Variants in TLL1 observed in about 807,000 individuals in gnomAD.
TLL1 encodes the protein tolloid like 1, also known as tolloid-like protein 1.
Under a neutral mutation model 128.2 loss-of-function variants are expected in TLL1, and 49 were observed. The observed-to-expected ratio is 0.38, with a 90% CI of 0.30 to 0.48. The LOEUF (loss-of-function observed/expected upper bound fraction) is 0.48. Ranked by LOEUF, TLL1 falls within the 20% of genes least tolerant of loss-of-function variation. TLL1 has a pLI of 0.96. For missense variants in TLL1, 1,123 were observed against 1,242.0 expected (o/e 0.90, Z 1.44); for synonymous variants, 454 against 418.8 (o/e 1.08, Z -1.03).
In TLL1 at chr4:166,100,798, T is replaced by A. The variant is rs578172463; in HGVS notation, c.2964T>A (p.Asp988Glu). ...GDSVLIHFHT[D>E]DTINKKGFHI... The stretch of plus-strand genomic sequence containing the variant: ...CAGTTTTAATTCATTTCCACACTGA[T>A]GACACAATCAACAAGAAGGGATTTC... The change falls in exon 21 of 21, where the codon GAT becomes GAA. Residue 988 changes from aspartate (D) to glutamate (E), a missense_variant. By Grantham distance (45) the Asp-to-Glu change is conservative. This residue lies in a region of TLL1 where 634 missense variants were observed against 672.4 expected (regional missense o/e 0.94). Coordinates refer to ENST00000061240, the MANE Select transcript of TLL1 (RefSeq NM_012464.5). The A allele has an allele frequency of 1.2e-6, 2 of 1,613,140 alleles. No individual in the cohort carries two copies. The highest frequency in any genetic ancestry group is 1.7e-6 in the Non-Finnish European group (2 of 1,179,404).
chr4:165,961,570 T>C (rs1735106282), intron 1 of TLL1, among the ~76,000 whole-genome samples: 1 of 152,170 alleles, frequency 6.6e-6, no homozygotes, highest in Non-Finnish European at 1.5e-5. Context: ...CTTTGAACTA[T>C]ACTGCAAGGC....
chr4:165,873,958 G>A lies in TLL1; in HGVS notation c.54G>A (p.Gly18=). 6.2e-7 allele frequency: 1 copy of A among 1,614,156 alleles called. No individual in the cohort carries two copies. The highest frequency in any genetic ancestry group is 1.3e-5 in the African/African-American group (1 of 75,050). ...TGCTCGTGTGGCTGGTGGCCTCGGG[G>A]ATTGTTTTCTACGGGGAGCTATGGG... is the stretch of plus-strand genomic sequence containing the variant. ...PRMLVWLVAS[G]IVFYGELWVC... Residue 18 remains glycine, a synonymous_variant, in exon 1 of 21, where the codon GGG becomes GGA. Transcript: ENST00000061240.
intron 1 of TLL1, among the ~76,000 whole-genome samples, chr4:165,920,228 A>T (rs1732984814): frequency 6.6e-6 from 1 of 152,208 alleles, no homozygotes. Flanking sequence ...ATTAAGAGAA[A>T]ACTTAGAAAG....
chr4:165,912,036 C>T (rs951152872), intron 1 of TLL1, among the ~76,000 whole-genome samples: 4 of 152,014 alleles, frequency 2.6e-5, no homozygotes, highest in Non-Finnish European at 4.4e-5. Context: ...CCACCATGCC[C>T]GGCTAATTTT....
intron 12 of TLL1, among the ~76,000 whole-genome samples, chr4:166,051,237 C>A (rs974805086): frequency 6.6e-6 from 1 of 151,870 alleles, no homozygotes; most frequent in African/African-American, 2.4e-5. Context: ...TTTCTCTTTT[C>A]TTTTTTCTCT....
chr4:165,929,895 G>C (rs952722718), intron 1 of TLL1, among the ~76,000 whole-genome samples: 4 of 152,144 alleles, frequency 2.6e-5, no homozygotes, highest in African/African-American at 9.7e-5. Context: ...TTCCACTCTT[G>C]ATATCAGCTC....
intron 18 of TLL1, among the ~76,000 whole-genome samples, chr4:166,079,536 T>G (rs1322664854): frequency 1.3e-5 from 2 of 152,088 alleles, no homozygotes; most frequent in Non-Finnish European, 2.9e-5. Context: ...TCGTAATTCT[T>G]TTTCCTATGG....
At chr4:165,975,289 A>G (rs1735822526) in intron 1 of TLL1, among the ~76,000 whole-genome samples, 1 of 151,952 alleles carries the variant, frequency 6.6e-6, no homozygotes, top group Non-Finnish European at 1.5e-5. Flanking sequence ...TCCTCTAAAA[A>G]ACACCATGGA....
intron 1 of TLL1, among the ~76,000 whole-genome samples, chr4:165,944,660 T>C (rs1734161659): frequency 6.6e-6 from 1 of 152,048 alleles, no homozygotes; most frequent in Non-Finnish European, 1.5e-5. Context: ...TGGGCAAGAA[T>C]GAAACCAGGA....
At chr4:166,098,204 G>A (rs1222858914) in intron 19 of TLL1, among the ~76,000 whole-genome samples, 1 of 151,862 alleles carries the variant, frequency 6.6e-6, no homozygotes, top group Non-Finnish European at 1.5e-5. Flanking sequence ...ATGTGGTAGT[G>A]AGCGCCTGTA....
chr4:166,055,330 T>C, intron 13 of TLL1, 59 bp downstream of exon 13: 2 of 1,476,508 alleles, frequency 1.4e-6, no homozygotes, highest in African/African-American at 2.8e-5. Context: ...TTGTAGTGTT[T>C]AGCTTTGATT....
intron 7 of TLL1, among the ~76,000 whole-genome samples, chr4:166,009,824 G>GA (rs917945575): frequency 6.6e-6 from 1 of 150,376 alleles, no homozygotes; most frequent in Non-Finnish European, 1.5e-5. Context: ...TTTCAATTAT[G>GA]GAAAAACACA....
At chr4:165,986,675 A>G (rs936544556) in intron 1 of TLL1, among the ~76,000 whole-genome samples, 1 of 152,048 alleles carries the variant, frequency 6.6e-6, no homozygotes, top group Admixed American at 6.6e-5. Flanking sequence ...TCCTTTAAGT[A>G]TCATCTAGCC....
At chr4:165,965,551 G>A (rs1192021491) in intron 1 of TLL1, among the ~76,000 whole-genome samples, 1 of 152,168 alleles carries the variant, frequency 6.6e-6, no homozygotes, top group African/African-American at 2.4e-5. Context: ...AGCATATTGA[G>A]TCTGAGAACT....
chr4:165,918,228 T>A (rs989729101), intron 1 of TLL1, among the ~76,000 whole-genome samples: 1 of 152,166 alleles, frequency 6.6e-6, no homozygotes, highest in Non-Finnish European at 1.5e-5. Context: ...ATCCTTTTTT[T>A]AAAATAATGT....
intron 1 of TLL1, among the ~76,000 whole-genome samples, chr4:165,900,547 A>C (rs1390847467): frequency 1.3e-5 from 2 of 152,198 alleles, no homozygotes; most frequent in African/African-American, 4.8e-5. Flanking sequence ...TTCTTTAAGA[A>C]TGTTGAATAT....
chr4:166,066,297 T>C (rs1297593973), intron 16 of TLL1, among the ~76,000 whole-genome samples: 1 of 151,674 alleles, frequency 6.6e-6, no homozygotes, highest in Non-Finnish European at 1.5e-5. Context: ...CTAAATATAA[T>C]ATATTGTCAG....
intron 1 of TLL1, among the ~76,000 whole-genome samples, chr4:165,878,283 A>G (rs1730809769): frequency 6.6e-6 from 1 of 151,868 alleles, no homozygotes; most frequent in Non-Finnish European, 1.5e-5. Flanking sequence ...AGACTGCTGC[A>G]CTCTCATTTA....
rs371047678 is a variant in TLL1 at position 165,900,491 on chromosome 4, T to C, written c.169+26418T>C. 4.6e-5 allele frequency among the ~76,000 whole-genome samples: 7 copies of C among 152,336 alleles called. No individual in the cohort carries two copies. In the East Asian group the frequency reaches 5.8e-4, roughly 13 times the overall value. On this transcript the variant is annotated intron_variant, in intron 1 of 20. Coordinates refer to ENST00000061240, the MANE Select transcript of TLL1 (RefSeq NM_012464.5). The stretch of plus-strand genomic sequence containing the variant: ...AAGGATTTTATTTCTCCTTTGCTTA[T>C]GAAGCTTAGTTTGGCTGGATATGAA...
Sources: allele counts gnomAD v4.1 joint callset (sites outside exome capture counted in the v4.1 genomes callset), GRCh38; gene constraint gnomAD v4.1.1; regional missense constraint gnomAD v4.1.1; transcripts MANE v1.5; gene names NCBI Gene and HGNC (gene_info 2026-07-23, HGNC 2026-07-21).